CCDC3: variants seen among roughly 807,000 people sequenced by gnomAD.
The protein encoded by CCDC3 is coiled-coil domain-containing protein 3.
Under a neutral mutation model 21.4 loss-of-function variants are expected in CCDC3, and 24 were observed. The observed-to-expected ratio is 1.12, with a 90% CI of 0.81 to 1.58. CCDC3 has a LOEUF of 1.58. Ranked by LOEUF, CCDC3 falls within the 40% of genes most tolerant of loss-of-function variation. CCDC3 has a pLI of 0.00. For missense variants in CCDC3, 425 were observed against 360.9 expected (o/e 1.18, Z -1.44); for synonymous variants, 186 against 166.0 (o/e 1.12, Z -0.93).
At chr10:13,013,610 C>T (rs931586626) in intron 5 of CCDC3, among the ~76,000 whole-genome samples, 24 of 152,038 alleles carry the variant, frequency 1.6e-4, no homozygotes, top group Admixed American at 6.5e-4. Flanking sequence ...CATGGTAATC[C>T]AAGTAAATGT....
rs1376580994 is a variant in CCDC3 at position 12,998,521 on chromosome 10, G to A, written c.375-9C>T. 3 of 1,609,280 alleles carry A rather than the reference G, an allele frequency of 1.9e-6. No homozygotes were observed. Among genetic ancestry groups the A allele is most frequent in the African/African-American group, 1.3e-5 (1 of 74,586 alleles). Reference sequence around the variant, plus strand: ...TATAATTTTCATCCATCCTAATGGAGGAAAAAAAGGCAGACATGTAGGCTA... The same window carrying A: ...TATAATTTTCATCCATCCTAATGGAAGAAAAAAAGGCAGACATGTAGGCTA... On this transcript the variant is annotated splice_polypyrimidine_tract_variant and intron_variant, in intron 1 of 2. Coordinates refer to ENST00000378825, the MANE Select transcript of CCDC3 (RefSeq NM_031455.4).
chr10:12,904,529 T>G (rs901060502), intron 2 of CCDC3, among the ~76,000 whole-genome samples: 2 of 137,202 alleles, frequency 1.5e-5, no homozygotes, highest in Non-Finnish European at 3.1e-5. Flanking sequence ...TCCTCCTCTA[T>G]CCTTAGGACC....
chr10:13,022,635 C>T (rs1836161907), intron 5 of CCDC3, among the ~76,000 whole-genome samples: 2 of 152,092 alleles, frequency 1.3e-5, no homozygotes, highest in South Asian at 4.1e-4. Flanking sequence ...TGCAAGGGGA[C>T]CCTCAATCTG....
intron 1 of CCDC3, among the ~76,000 whole-genome samples, chr10:12,998,985 AC>A (rs1835806333): frequency 6.6e-6 from 1 of 152,178 alleles, no homozygotes; most frequent in African/African-American, 2.4e-5. Context: ...CACACCTGTA[AC>A]CCCAGCACTT....
At chr10:13,086,686 C>CG (rs1837111485) in intron 3 of CCDC3, among the ~76,000 whole-genome samples, 4 of 151,966 alleles carry the variant, frequency 2.6e-5, no homozygotes, top group Non-Finnish European at 5.9e-5. Context: ...GACCTCGTGA[C>CG]CCGCCTGCCT....
At chr10:12,963,828 C>G (rs1322860901) in intron 2 of CCDC3, among the ~76,000 whole-genome samples, 2 of 152,098 alleles carry the variant, frequency 1.3e-5, no homozygotes, top group Non-Finnish European at 2.9e-5. Context: ...AGTGATCCAC[C>G]CAGCTCAGCC....
intron 4 of CCDC3, among the ~76,000 whole-genome samples, chr10:13,072,048 T>C (rs1446340437): frequency 6.6e-6 from 1 of 152,166 alleles, no homozygotes; most frequent in East Asian, 1.9e-4. Context: ...TTTCATTTTT[T>C]ATTTTTTTAA....
At chr10:12,993,171 A>C (rs974906300) in intron 2 of CCDC3, among the ~76,000 whole-genome samples, 1 of 152,230 alleles carries the variant, frequency 6.6e-6, no homozygotes, top group African/African-American at 2.4e-5. Flanking sequence ...AATACTTGAG[A>C]ATAATCAGCT....
intron 2 of CCDC3, among the ~76,000 whole-genome samples, chr10:12,940,489 GA>G (rs1476502081): frequency 1.3e-5 from 2 of 152,138 alleles, no homozygotes; most frequent in Non-Finnish European, 2.9e-5. Flanking sequence ...GTCAAAGGAA[GA>G]AAATCAGGGA....
chr10:13,054,987 G>T (rs1017091548), intron 4 of CCDC3, among the ~76,000 whole-genome samples: 1 of 152,148 alleles, frequency 6.6e-6, no homozygotes, highest in African/African-American at 2.4e-5. Context: ...TATTTCTTAT[G>T]ATTCTGAGGG....
At chr10:12,924,955 G>A (rs1834511915) in intron 2 of CCDC3, among the ~76,000 whole-genome samples, 1 of 152,236 alleles carries the variant, frequency 6.6e-6, no homozygotes, top group South Asian at 2.1e-4. Context: ...GCTGTGTAAA[G>A]TGAAATCGAT....
At position 13,078,865 on chromosome 10, in the gene CCDC3, TG is replaced by T. The variant is rs1314524748; in HGVS notation, c.-502-4766del. 4.9e-5 allele frequency among the ~76,000 whole-genome samples: 3 copies of T among 61,652 alleles called. No individual in the cohort carries two copies. In the East Asian group the frequency reaches 1.5e-3, roughly 31 times the overall value. 40.4% of individuals were successfully genotyped at this position (61,652 alleles called of 152,430 possible). A position where few individuals can be genotyped will look rare whatever the true frequency, so the allele number is the denominator to read the frequency against. On this transcript the variant is annotated intron_variant, in intron 3 of 6. Coordinates refer to the CCDC3 transcript ENST00000378839. The stretch of plus-strand genomic sequence containing the variant: ...TCACACAACGGGGCCTGTCGTGGGG[TG>T]GGGGGAGGTGGGGAGGGATAGCATT...
chr10:12,900,141 G>A (rs1834070276), intron 2 of CCDC3, among the ~76,000 whole-genome samples: 1 of 152,208 alleles, frequency 6.6e-6, no homozygotes, highest in African/African-American at 2.4e-5. Context: ...CCCCAGGCAT[G>A]TGGAATTGTG....
upstream of CCDC3, among the ~76,000 whole-genome samples, chr10:13,005,905 T>C (rs1835918674): frequency 6.6e-6 from 1 of 152,170 alleles, no homozygotes; most frequent in Non-Finnish European, 1.5e-5. Context: ...TGAACATACA[T>C]TCTCCCTCTT....
At chr10:13,099,891 C>T (rs1452878273), upstream of CCDC3, 1 of 152,126 alleles carries the variant, frequency 6.6e-6, no homozygotes, top group Non-Finnish European at 1.5e-5. Flanking sequence ...TTAACGCCGT[C>T]ACAGTGACGC....
rs1834698628 is a variant in CCDC3 at position 12,934,216 on chromosome 10, T to TGTACAGTC, written c.550-35545_550-35538dup. On this transcript the variant is annotated intron_variant, in intron 2 of 2. Coordinates refer to ENST00000378825, the MANE Select transcript of CCDC3 (RefSeq NM_031455.4). ...ACCTGTGTGTTACTTGGAAATGTCT[T>TGTACAGTC]GTACAGTCTCCAAGTATCTGGGACT... is the stretch of plus-strand genomic sequence containing the variant. Among the ~76,000 whole-genome samples the TGTACAGTC allele has an allele frequency of 2.0e-5, 3 of 152,376 alleles. No homozygotes were observed. In the South Asian group the frequency reaches 6.2e-4, roughly 32 times the overall value.
chr10:12,960,583 G>A (rs1476325800), intron 2 of CCDC3, among the ~76,000 whole-genome samples: 1 of 152,152 alleles, frequency 6.6e-6, no homozygotes, highest in African/African-American at 2.4e-5. Flanking sequence ...CAGTACTTTC[G>A]TAGTAGGCTC....
Position 13,038,506 on chromosome 10 carries a change from C to G in CCDC3, c.-2+11168G>C, listed in dbSNP as rs183740006. On this transcript the variant is annotated intron_variant, in intron 5 of 6. Transcript: ENST00000378839. ...AAGTTGATTGTTTAAGAAAACAGAC[C>G]AGTATTTATGTTCTAAAAGAGGAAG... Among the ~76,000 whole-genome samples the G allele has an allele frequency of 3.3e-5, 5 of 152,188 alleles. No individual in the cohort carries two copies. The East Asian group carries it at 9.7e-4, about 29-fold the overall frequency.
intron 2 of CCDC3, among the ~76,000 whole-genome samples, chr10:12,921,563 A>C (rs186598990): frequency 1.5e-4 from 23 of 152,362 alleles, no homozygotes; most frequent in Admixed American, 7.8e-4. Flanking sequence ...AATTGTAGCA[A>C]AATATACATA....
Sources: gnomAD v4.1 joint callset for allele counts (sites outside exome capture counted in the v4.1 genomes callset) on GRCh38, gnomAD v4.1.1 for gene constraint, MANE v1.5 for transcripts, NCBI Gene and HGNC (gene_info 2026-07-23, HGNC 2026-07-21) for gene names.